Variants in TENM2 observed in about 807,000 individuals in gnomAD.
The protein encoded by TENM2 is teneurin-2.
In TENM2, 52 loss-of-function variants were observed where a neutral mutation model predicts 245.2. That is an observed-to-expected ratio of 0.21 (90% CI 0.17 to 0.27). The LOEUF (loss-of-function observed/expected upper bound fraction) is 0.27. Among genes scored for constraint, TENM2 ranks in the 10% least tolerant of loss-of-function variants. The probability of loss-of-function intolerance (pLI) is 1.00; values close to 1 mark genes in which losing one functional copy is unlikely to be tolerated. For synonymous variants in TENM2, 1,363 were observed against 1,438.9 expected (o/e 0.95, Z 1.19); for missense variants, 3,046 against 3,666.8 (o/e 0.83, Z 4.37).
chr5:168,024,247 G>T (rs1041954896), intron 5 of TENM2, among the ~76,000 whole-genome samples: 2 of 152,036 alleles, frequency 1.3e-5, no homozygotes, highest in Non-Finnish European at 2.9e-5. Context: ...TCCGATTGTC[G>T]CACCTATGCC....
chr5:167,027,945 C>T, the TENM2 span, among the ~76,000 whole-genome samples: 1 of 151,828 alleles, frequency 6.6e-6, no homozygotes, highest in African/African-American at 2.4e-5. Flanking sequence ...GTGGCGCACA[C>T]CTGTAATCCC....
At chr5:167,953,275 A>G in intron 4 of TENM2, 1 of 197,266 alleles carries the variant, frequency 5.1e-6, no homozygotes, top group Non-Finnish European at 1.1e-5. Flanking sequence ...ATTTAAATTT[A>G]TATTTCATCC....
chr5:167,842,547 C>A (rs1035976242), intron 2 of TENM2, among the ~76,000 whole-genome samples: 4 of 136,456 alleles, frequency 2.9e-5, no homozygotes, highest in African/African-American at 1.1e-4. Flanking sequence ...CGAGATCATG[C>A]CATTGAACTG....
At chr5:167,495,654 C>T (rs896012259) in intron 2 of TENM2, among the ~76,000 whole-genome samples, 2 of 151,976 alleles carry the variant, frequency 1.3e-5, no homozygotes, top group African/African-American at 4.8e-5. Flanking sequence ...CCGGATTGTT[C>T]TTCTCTTGTG....
rs773781985 is a variant in TENM2 at position 168,247,941 on chromosome 5, T to C, written c.7002T>C (p.His2334=). The C allele has an allele frequency of 1.3e-5, 21 of 1,613,828 alleles. No homozygotes were observed. Among genetic ancestry groups the C allele is most frequent in the East Asian group, 2.2e-5 (1 of 44,878 alleles). Residue 2334 remains histidine, a synonymous_variant, in exon 27 of 29, where the codon CAT becomes CAC. Coordinates refer to ENST00000518659, the Ensembl canonical transcript of TENM2. This position sits in a 1 kb window ranked among gnomAD's most constrained non-coding sequence, Gnocchi z 7.8. ...TCCACAACCCGACGCGCATCACCCA[T>C]GTCTACAATCACTCCAACTCGGAGA...
At chr5:167,077,015 A>T in the TENM2 span, among the ~76,000 whole-genome samples, 1 of 152,168 alleles carries the variant, frequency 6.6e-6, no homozygotes, top group African/African-American at 2.4e-5. Context: ...TGGTAAAGAC[A>T]GAGTTTCACT....
chr5:167,228,161 TG>T, the TENM2 span, among the ~76,000 whole-genome samples: 5 of 152,090 alleles, frequency 3.3e-5, no homozygotes, highest in Non-Finnish European at 7.3e-5. Context: ...CCCAGGTAGC[TG>T]GGGACTACAG....
intron 2 of TENM2, among the ~76,000 whole-genome samples, chr5:167,541,815 A>G (rs1772231773): frequency 6.6e-6 from 1 of 152,216 alleles, no homozygotes; most frequent in Admixed American, 6.5e-5. Context: ...ATTTTACATG[A>G]CAGATACATA....
At chr5:168,215,586 G>C (rs551527316) in intron 21 of TENM2, among the ~76,000 whole-genome samples, 1 of 152,202 alleles carries the variant, frequency 6.6e-6, no homozygotes, top group Non-Finnish European at 1.5e-5. Flanking sequence ...GGAGAATGGC[G>C]TGAACCCGGG....
At position 168,244,809 on chromosome 5, in the gene TENM2, G is replaced by A. The variant is rs1475898319; in HGVS notation, c.5817+93G>A. Reference sequence around the variant, plus strand: ...TTTTGAGACAGAGACTTGCTCTGTTGCCCAGGCTGGAGTGCAGTGGCATGA... The same window carrying A: ...TTTTGAGACAGAGACTTGCTCTGTTACCCAGGCTGGAGTGCAGTGGCATGA... On this transcript the variant is annotated intron_variant, in intron 26 of 28. Coordinates refer to ENST00000518659, the Ensembl canonical transcript of TENM2. This position sits in a 1 kb window ranked among gnomAD's most constrained non-coding sequence, Gnocchi z 4.9. The A allele has an allele frequency of 1.2e-5, 13 of 1,117,686 alleles. No individual in the cohort carries two copies. The highest frequency in any genetic ancestry group is 3.2e-5 in the African/African-American group (2 of 61,872). The allele number at this position is 1,117,686 out of a possible 1,614,324, so 69.2% of individuals were successfully genotyped here.
At chr5:167,648,633 G>C (rs1217969231) in intron 2 of TENM2, among the ~76,000 whole-genome samples, 1 of 152,204 alleles carries the variant, frequency 6.6e-6, no homozygotes, top group African/African-American at 2.4e-5. Flanking sequence ...GAAGCGATGC[G>C]ACTGTTCTCT....
chr5:167,808,284 G>A (rs1033144787), intron 2 of TENM2, among the ~76,000 whole-genome samples: 1 of 152,150 alleles, frequency 6.6e-6, no homozygotes, highest in Non-Finnish European at 1.5e-5. Flanking sequence ...GTTTGAGGTA[G>A]AGTCTCACTC....
chr5:167,919,153 C>G (rs1375656286), intron 3 of TENM2, among the ~76,000 whole-genome samples: 1 of 152,134 alleles, frequency 6.6e-6, no homozygotes, highest in Non-Finnish European at 1.5e-5. Flanking sequence ...GCTTTTACTT[C>G]TATTGTTTCC....
chr5:167,647,885 C>A (rs1342913618), intron 2 of TENM2, among the ~76,000 whole-genome samples: 2 of 152,168 alleles, frequency 1.3e-5, no homozygotes, highest in Non-Finnish European at 2.9e-5. Flanking sequence ...TCTCACTTAT[C>A]TCCTACGTTC....
the TENM2 span, among the ~76,000 whole-genome samples, chr5:167,278,992 C>T: frequency 2.6e-5 from 4 of 152,040 alleles, no homozygotes; most frequent in Non-Finnish European, 5.9e-5. Flanking sequence ...CTTAATTGTC[C>T]TCCATCTGAT....
the TENM2 span, among the ~76,000 whole-genome samples, chr5:166,994,483 A>T: frequency 3.3e-5 from 5 of 152,062 alleles, no homozygotes; most frequent in Non-Finnish European, 5.9e-5. Flanking sequence ...AGGTCTCCAA[A>T]ACTGGAATAA....
At chr5:167,015,374 C>T in the TENM2 span, among the ~76,000 whole-genome samples, 182 of 152,214 alleles carry the variant, frequency 1.2e-3, 1 homozygote, top group East Asian at 0.01. Context: ...AATTTCTTTG[C>T]CTAATGATAT....
At chr5:168,152,394 A>G (rs1440270066) in intron 12 of TENM2, among the ~76,000 whole-genome samples, 1 of 152,212 alleles carries the variant, frequency 6.6e-6, no homozygotes, top group Non-Finnish European at 1.5e-5. Context: ...ATGGCAATTT[A>G]TGGTTGACCT....
intron 2 of TENM2, among the ~76,000 whole-genome samples, chr5:167,405,273 A>T (rs1044638768): frequency 5.9e-5 from 9 of 151,800 alleles, no homozygotes; most frequent in African/African-American, 2.2e-4. Context: ...TCCGAATAGC[A>T]TGGTGCAAAA....
Sources: gnomAD v4.1 joint callset for allele counts (sites outside exome capture counted in the v4.1 genomes callset) on GRCh38, gnomAD v4.1.1 for gene constraint, Gnocchi (gnomAD v3.1) non-coding constraint, MANE v1.5 for transcripts, NCBI Gene and HGNC (gene_info 2026-07-23, HGNC 2026-07-21) for gene names.